SDK1: variants seen among roughly 807,000 people sequenced by gnomAD.
SDK1 encodes sidekick cell adhesion molecule 1, also known as protein sidekick-1.
SDK1 carries 157 observed loss-of-function variants against 245.5 expected under a neutral mutation model. That is an observed-to-expected ratio of 0.64 (90% CI 0.56 to 0.73). SDK1 has a LOEUF of 0.73. SDK1 is among the 30% of genes least tolerant of loss of function. The pLI, the probability that SDK1 is intolerant of heterozygous loss-of-function variation, is 0.00. For missense variants in SDK1, 3,583 were observed against 3,002.3 expected, an observed-to-expected ratio of 1.19 and a Z score of -4.52; for synonymous variants, 1,647 against 1,278.5, an observed-to-expected ratio of 1.29 and a Z score of -6.15.
At chr7:4,042,241 CCTT>C (rs1395156076) in intron 17 of SDK1, among the ~76,000 whole-genome samples, 2 of 136,410 alleles carry the variant, frequency 1.5e-5, no homozygotes, top group East Asian at 1.9e-4. Flanking sequence ...TGTCCCACCT[CCTT>C]CTTCCCCATC....
chr7:4,183,981 A>G (rs554566759), intron 35 of SDK1, among the ~76,000 whole-genome samples: 1 of 152,064 alleles, frequency 6.6e-6, no homozygotes, highest in South Asian at 2.1e-4. Flanking sequence ...GCCTCAGCAC[A>G]CTCCTCCGGG....
In SDK1 at chr7:3,579,554, C is replaced by G. The variant is rs141769697; in HGVS notation, c.299-39526C>G. The stretch of plus-strand genomic sequence containing the variant: ...TAATAAGAGCCATCTATGACAAACC[C>G]ATAGCCAACATCATATTGAATGGGC... On this transcript the variant is annotated intron_variant, in intron 1 of 44. Coordinates refer to ENST00000404826, the MANE Select transcript of SDK1 (RefSeq NM_152744.4). Among the ~76,000 whole-genome samples the G allele has an allele frequency of 7.7e-3, 1,176 of 152,268 alleles. 18 individuals carry two copies. Among genetic ancestry groups the G allele is most frequent in the African/African-American group, 0.026 (1,064 of 41,554 alleles).
At position 3,880,543 on chromosome 7, in the gene SDK1, CTTTTTT is replaced by C. The variant is rs5882008; in HGVS notation, c.847+58981_847+58986del. Among the ~76,000 whole-genome samples, 691 of 92,050 alleles carry C rather than the reference CTTTTTT, an allele frequency of 7.5e-3. 9 individuals carry two copies. The highest frequency in any genetic ancestry group is 0.049 in the South Asian group (106 of 2,152). The allele number at this position is 92,050 out of a possible 152,430, so 60.4% of individuals were successfully genotyped here. On this transcript the variant is annotated intron_variant, in intron 5 of 44. Transcript: ENST00000404826. Reference sequence around the variant, plus strand: ...TGACATTTTAAAACAATGCCCTGGTCTTTTTTTTTTTTTTTTTTTTTTTTTTAAGAA... The same window carrying C: ...TGACATTTTAAAACAATGCCCTGGTCTTTTTTTTTTTTTTTTTTTTAAGAA...
intron 1 of SDK1, among the ~76,000 whole-genome samples, chr7:3,548,109 T>G (rs1779287515): frequency 6.6e-6 from 1 of 152,164 alleles, no homozygotes; most frequent in Non-Finnish European, 1.5e-5. Flanking sequence ...GTACTATAAG[T>G]TTCCCACAAT....
intron 28 of SDK1, among the ~76,000 whole-genome samples, chr7:4,139,189 C>CA (rs921428871): frequency 1.3e-5 from 2 of 152,256 alleles, no homozygotes; most frequent in East Asian, 1.9e-4. Flanking sequence ...TACCCACCCC[C>CA]CATTTCCTGG....
chr7:4,036,689 G>C (rs1340515693), intron 17 of SDK1, among the ~76,000 whole-genome samples: 1 of 152,140 alleles, frequency 6.6e-6, no homozygotes, highest in Non-Finnish European at 1.5e-5. Context: ...GTGAGGGCTG[G>C]TTGGGATTAG....
At chr7:3,454,388 T>TTGTGTGTG (rs60437983) in intron 1 of SDK1, among the ~76,000 whole-genome samples, 3,306 of 141,762 alleles carry the variant, frequency 0.023, 115 homozygotes, top group African/African-American at 0.069. Context: ...TCCCCAAGAT[T>TTGTGTGTG]TGTGTGTGTG....
chr7:4,194,127 T>C (rs1308326345), intron 35 of SDK1, among the ~76,000 whole-genome samples: 1 of 152,076 alleles, frequency 6.6e-6, no homozygotes, highest in Non-Finnish European at 1.5e-5. Flanking sequence ...TCTGTCTCTC[T>C]AGAACCACTC....
intron 3 of SDK1, among the ~76,000 whole-genome samples, chr7:3,639,568 G>A (rs1583258065): frequency 6.6e-6 from 1 of 152,204 alleles, no homozygotes; most frequent in African/African-American, 2.4e-5. Flanking sequence ...TGGCATTCAT[G>A]TGATAGTGAT....
At chr7:4,158,821 A>T (rs184685933) in intron 31 of SDK1, among the ~76,000 whole-genome samples, 2 of 152,232 alleles carry the variant, frequency 1.3e-5, no homozygotes, top group East Asian at 3.8e-4. Flanking sequence ...TGAATAATTG[A>T]TAGGGTCATT....
chr7:3,763,683 T>G (rs763669740), intron 4 of SDK1, among the ~76,000 whole-genome samples: 1 of 152,188 alleles, frequency 6.6e-6, no homozygotes. Flanking sequence ...TCACATGAGA[T>G]TCATAGATGC....
chr7:3,587,817 C>G (rs1780740628), intron 1 of SDK1, among the ~76,000 whole-genome samples: 2 of 152,242 alleles, frequency 1.3e-5, no homozygotes, highest in Admixed American at 1.3e-4. Context: ...GGGTAGACAT[C>G]AGCTCTCCAC....
intron 22 of SDK1, among the ~76,000 whole-genome samples, chr7:4,086,266 C>T (rs535580512): frequency 1.3e-4 from 20 of 152,294 alleles, no homozygotes; most frequent in African/African-American, 4.3e-4. Context: ...TCTGCTGACA[C>T]GCATTGGGAT....
intron 28 of SDK1, among the ~76,000 whole-genome samples, chr7:4,138,909 G>A (rs1358159687): frequency 6.6e-6 from 1 of 152,200 alleles, no homozygotes; most frequent in Non-Finnish European, 1.5e-5. Context: ...CAGCTTCCAG[G>A]CCATCACCTG....
chr7:3,340,207 T>C (rs11974565), intron 1 of SDK1, among the ~76,000 whole-genome samples: 15,709 of 151,848 alleles, frequency 0.1, 1,023 homozygotes, highest in African/African-American at 0.18. Context: ...ACCTCAGAGA[T>C]GTGGCGGATT....
intron 1 of SDK1, among the ~76,000 whole-genome samples, chr7:3,352,993 A>C (rs1260155950): frequency 6.6e-6 from 1 of 152,204 alleles, no homozygotes; most frequent in East Asian, 1.9e-4. Flanking sequence ...AGGGAAAACA[A>C]GACATAAAGG....
chr7:3,649,575 T>A (rs1268782673), intron 4 of SDK1, among the ~76,000 whole-genome samples: 1 of 152,118 alleles, frequency 6.6e-6, no homozygotes, highest in Non-Finnish European at 1.5e-5. Context: ...CTCAATGTGA[T>A]CCTTAATAAT....
At position 4,157,162 on chromosome 7, in the gene SDK1, G is replaced by A. The variant is rs549010477; in HGVS notation, c.4626-1286G>A. 2.0e-5 allele frequency among the ~76,000 whole-genome samples: 3 copies of A among 152,226 alleles called. No homozygotes were observed. The South Asian group carries it at 6.2e-4, about 32-fold the overall frequency. On this transcript the variant is annotated intron_variant, in intron 30 of 44. Coordinates refer to ENST00000404826, the MANE Select transcript of SDK1 (RefSeq NM_152744.4). ...CTTCACCAAGATCCCAGCATTGTCT[G>A]CACGGAAGAGTTTGGCTGAAGTCTT...
chr7:3,585,446 G>GA (rs1178702676), intron 1 of SDK1, among the ~76,000 whole-genome samples: 1 of 152,166 alleles, frequency 6.6e-6, no homozygotes, highest in South Asian at 2.1e-4. Flanking sequence ...GGGATAGGTA[G>GA]AAAAAAGAGA....
Sources: gnomAD v4.1 joint callset for allele counts (sites outside exome capture counted in the v4.1 genomes callset) on GRCh38, gnomAD v4.1.1 for gene constraint, MANE v1.5 for transcripts, NCBI Gene and HGNC (gene_info 2026-07-23, HGNC 2026-07-21) for gene names.